The following C17orf67 variants were observed in gnomAD, a reference collection of about 807,000 sequenced individuals.
The protein encoded by C17orf67 is chromosome 17 open reading frame 67.
In C17orf67, 12 loss-of-function variants were observed where a neutral mutation model predicts 11.2. The ratio of observed to expected loss-of-function variants is 1.07; its 90% CI spans 0.68 to 1.73. The LOEUF (loss-of-function observed/expected upper bound fraction) is 1.73, where lower values mean the gene tolerates loss of function less well. Among genes scored for constraint, C17orf67 ranks in the 40% most tolerant of loss-of-function variants. The pLI is 0.00. For synonymous variants in C17orf67, 59 were observed against 46.9 expected, an observed-to-expected ratio of 1.26 and a Z score of -1.05; for missense variants, 115 against 113.5, an observed-to-expected ratio of 1.01 and a Z score of -0.06.
chr17:56,814,502 G>A (rs185115802), intron 6 of C17orf67, among the ~76,000 whole-genome samples: 28 of 152,276 alleles, frequency 1.8e-4, no homozygotes, highest in Admixed American at 1.2e-3. Flanking sequence ...GACCAAGGAT[G>A]CTGGTCCAGC....
At chr17:56,819,503 G>A (rs775722045) in intron 4 of C17orf67, among the ~76,000 whole-genome samples, 1 of 152,096 alleles carries the variant, frequency 6.6e-6, no homozygotes, top group Non-Finnish European at 1.5e-5. Flanking sequence ...TAAAGCATAA[G>A]GCAACCTCTG....
intron 6 of C17orf67, among the ~76,000 whole-genome samples, chr17:56,796,741 T>C (rs78292297): frequency 2.2e-3 from 329 of 152,188 alleles, no homozygotes; most frequent in African/African-American, 7.4e-3. Flanking sequence ...GTCTTCACCA[T>C]TGTCCACCAA....
intron 6 of C17orf67, among the ~76,000 whole-genome samples, chr17:56,803,188 A>G (rs542035984): frequency 6.6e-6 from 1 of 152,358 alleles, no homozygotes; most frequent in African/African-American, 2.4e-5. Flanking sequence ...CATGTGTGCA[A>G]TTGCTGGTGT....
intron 6 of C17orf67, among the ~76,000 whole-genome samples, chr17:56,798,299 T>C (rs1012040055): frequency 3.3e-5 from 5 of 152,124 alleles, no homozygotes; most frequent in African/African-American, 1.2e-4. Context: ...GTTTTTTTTA[T>C]TGTTTTATTT....
intron 6 of C17orf67, among the ~76,000 whole-genome samples, chr17:56,807,903 T>TAATAAATA (rs58915926): frequency 0.022 from 3,191 of 144,476 alleles, 64 homozygotes; most frequent in African/African-American, 0.048. Context: ...AATAAATAAA[T>TAATAAATA]AATAAATAAA....
At chr17:56,799,423 T>C (rs117887987) in intron 6 of C17orf67, among the ~76,000 whole-genome samples, 9,744 of 152,340 alleles carry the variant, frequency 0.064, 376 homozygotes, top group Admixed American at 0.12. Flanking sequence ...TCATTTTGTT[T>C]TAGGGTTGAA....
intron 4 of C17orf67, among the ~76,000 whole-genome samples, chr17:56,822,321 C>G (rs188236): frequency 6.6e-6 from 1 of 152,174 alleles, no homozygotes; most frequent in Non-Finnish European, 1.5e-5. Context: ...GACTGAGTTT[C>G]TACTGTGTAG....
intron 4 of C17orf67, among the ~76,000 whole-genome samples, chr17:56,816,570 T>G (rs187265427): frequency 6.6e-6 from 1 of 152,290 alleles, no homozygotes; most frequent in African/African-American, 2.4e-5. Context: ...CAAGTTCAAG[T>G]TCACACATTA....
rs186425345 is a variant in C17orf67 at position 56,821,361 on chromosome 17, C to T, written c.-201+3378G>A. 2.4e-3 allele frequency among the ~76,000 whole-genome samples: 361 copies of T among 152,284 alleles called. 1 individual carries two copies. The highest frequency in any genetic ancestry group is 3.8e-3 in the Non-Finnish European group (258 of 68,028). ...TGTACATTGTAAAGAATTATATATA[C>T]ATTGTAAAAATATGGAATTTATAGT... On this transcript the variant is annotated intron_variant, in intron 4 of 7. Transcript: ENST00000397861.
intron 6 of C17orf67, among the ~76,000 whole-genome samples, chr17:56,807,872 A>T (rs1905491338): frequency 6.6e-6 from 1 of 151,064 alleles, no homozygotes; most frequent in Non-Finnish European, 1.5e-5. Flanking sequence ...CCTGGGCAAC[A>T]CAGTGAGACC....
At chr17:56,803,696 C>T (rs1186819260) in intron 6 of C17orf67, 5 of 152,164 alleles carry the variant, frequency 3.3e-5, no homozygotes, top group Admixed American at 3.3e-4. Context: ...TCAGTCTGCT[C>T]ATTATAACAG....
Position 56,807,209 on chromosome 17 carries a change from C to T in C17orf67, c.156+7660G>A, listed in dbSNP as rs188745635. ...GAATCCAGTAAAGGAAACCTAGCAGCGGGAGCCACCAAGTGGAATGAGAAG... is the reference window on the plus strand; with the variant it reads ...GAATCCAGTAAAGGAAACCTAGCAGTGGGAGCCACCAAGTGGAATGAGAAG... On this transcript the variant is annotated intron_variant, in intron 6 of 7. Transcript: ENST00000397861. 3.1e-3 allele frequency among the ~76,000 whole-genome samples: 466 copies of T among 152,174 alleles called. 2 individuals carry two copies. Among genetic ancestry groups the T allele is most frequent in the African/African-American group, 0.011 (456 of 41,524 alleles).
intron 6 of C17orf67, among the ~76,000 whole-genome samples, chr17:56,805,306 G>C (rs941920352): frequency 6.6e-6 from 1 of 152,192 alleles, no homozygotes; most frequent in Non-Finnish European, 1.5e-5. Context: ...GGTGCCATGG[G>C]AGGAGAACTT....
intron 4 of C17orf67, among the ~76,000 whole-genome samples, chr17:56,816,608 C>G (rs936357358): frequency 6.6e-6 from 1 of 152,214 alleles, no homozygotes; most frequent in African/African-American, 2.4e-5. Flanking sequence ...CCTACGTCTT[C>G]TGTCTTCAAA....
rs34927974 is a variant in C17orf67, at chr17:56,825,944, A to AGTGTGT, written c.-556-629_-556-624dup. On this transcript the variant is annotated intron_variant, in intron 2 of 7. Coordinates refer to ENST00000397861, the MANE Select transcript of C17orf67 (RefSeq NM_001085430.4). The stretch of plus-strand genomic sequence containing the variant: ...TAATGGGGATTGGGGGAAACCTGTG[A>AGTGTGT]GTGTGTGTGTGTGTGTGCACGCGTG... 2.6e-3 allele frequency among the ~76,000 whole-genome samples: 239 copies of AGTGTGT among 90,290 alleles called. 1 individual carries two copies. The highest frequency in any genetic ancestry group is 7.9e-3 in the African/African-American group (212 of 26,754). The allele number at this position is 90,290 out of a possible 152,430, so 59.2% of individuals were successfully genotyped here.
At chr17:56,795,015 A>C in intron 7 of C17orf67, 29 bp downstream of exon 7, 12 of 1,493,840 alleles carry the variant, frequency 8.0e-6, no homozygotes, top group Non-Finnish European at 1.1e-5. Context: ...TCCCTCAGAC[A>C]GAGGTCCGGG....
Position 56,825,065 on chromosome 17 carries a change from T to C in C17orf67, c.-316+16A>G, listed in dbSNP as rs1015779890. ...ATTTCAAAATATAAACAAAAAAAGT[T>C]TGAATAAAGAATTACCTAGGGAACT... On this transcript the variant is annotated intron_variant, in intron 3 of 7. Transcript: ENST00000397861. 4 of 152,242 alleles carry C rather than the reference T, an allele frequency of 2.6e-5. No homozygotes were observed. The highest frequency in any genetic ancestry group is 7.2e-5 in the African/African-American group (3 of 41,458). The allele number at this position is 152,242 out of a possible 1,614,324, so 9.4% of individuals were successfully genotyped here. A position where few individuals can be genotyped will look rare whatever the true frequency, so the allele number is the denominator to read the frequency against.
At chr17:56,810,764 G>A (rs887301756) in intron 6 of C17orf67, among the ~76,000 whole-genome samples, 4 of 152,320 alleles carry the variant, frequency 2.6e-5, no homozygotes, top group African/African-American at 4.8e-5. Context: ...CAGGCTTATC[G>A]GCTCCTCACC....
At chr17:56,807,022 C>G (rs1905468131) in intron 6 of C17orf67, among the ~76,000 whole-genome samples, 1 of 152,120 alleles carries the variant, frequency 6.6e-6, no homozygotes. Context: ...GTTAAATATT[C>G]CAGTACAAAC....
Sources: gnomAD v4.1 joint callset for allele counts (sites outside exome capture counted in the v4.1 genomes callset) on GRCh38, gnomAD v4.1.1 for gene constraint, MANE v1.5 for transcripts, NCBI Gene and HGNC (gene_info 2026-07-23, HGNC 2026-07-21) for gene names.